CHD4: variants seen among roughly 807,000 people sequenced by gnomAD.
The protein encoded by CHD4 is ATP-dependent chromatin remodeler CHD4.
CHD4 carries 35 observed loss-of-function variants against 235.5 expected under a neutral mutation model. The observed-to-expected ratio is 0.15, with a 90% CI of 0.11 to 0.20. The LOEUF (loss-of-function observed/expected upper bound fraction) is 0.20. Ranked by LOEUF, CHD4 falls within the 10% of genes least tolerant of loss-of-function variation. CHD4 has a pLI of 1.00. For synonymous variants in CHD4, 900 were observed against 850.2 expected, an observed-to-expected ratio of 1.06 and a Z score of -1.02; for missense variants, 1,329 against 2,432.3, an observed-to-expected ratio of 0.55 and a Z score of 9.54.
rs746824737 is a variant in CHD4 at position 6,602,428 on chromosome 12, G to C, written c.170C>G (p.Pro57Arg). ...ETPKLKKKKK[P>R]KKPRDPKIPK... Reference sequence around the variant, plus strand: ...GATTTTAGGGTCCCGAGGTTTCTTAGGCTTTTTCTTCTTCTTGAGCTTTGG... The same window carrying C: ...GATTTTAGGGTCCCGAGGTTTCTTACGCTTTTTCTTCTTCTTGAGCTTTGG... The change falls in exon 3 of 40, where the codon CCT becomes CGT. Residue 57 changes from proline to arginine, a missense_variant. Pro to Arg is a moderately radical substitution (Grantham distance 103). Around this residue, in one of 26 missense-constraint regions of CHD4, gnomAD observed 213 missense variants for 177.5 expected, o/e 1.20. Transcript: ENST00000544040. 6 of 1,613,974 alleles carry C rather than the reference G, an allele frequency of 3.7e-6. No individual in the cohort carries two copies. The highest frequency in any genetic ancestry group is 3.3e-5 in the South Asian group (3 of 91,086).
At chr12:6,583,517 G>A in intron 25 of CHD4, 139 bp from the exon 26 acceptor site, 2 of 691,830 alleles carry the variant, frequency 2.9e-6, no homozygotes, top group East Asian at 5.2e-5. Context: ...TTGGACCTAA[G>A]AACTTAGAAG....
chr12:6,583,368 T>A lies in CHD4; in HGVS notation c.3890A>T (p.Glu1297Val), dbSNP rs776709332. The A allele has an allele frequency of 1.2e-6, 2 of 1,608,912 alleles. No individual in the cohort carries two copies. The highest frequency in any genetic ancestry group is 1.7e-6 in the Non-Finnish European group (2 of 1,176,748). Residue 1297 changes from glutamate (E) to valine (V), a missense_variant, in exon 26 of 40, where the codon GAG (glutamate) becomes GTG (valine). This residue lies in a region of CHD4 where 12 missense variants were observed against 17.4 expected (regional missense o/e 0.69). Transcript: ENST00000544040. ...VREEEMGEEE[E>V]VEREIIKQEE... ...CTGTTTAATGATTTCCCGTTCTACC[T>A]CCTCTTCCTCCTGGGACAGAGGGAG...
intron 33 of CHD4, chr12:6,580,708 A>AAAAAAAAACAAAAC: frequency 5.2e-6 from 1 of 193,606 alleles, no homozygotes; most frequent in Non-Finnish European, 9.8e-6. Flanking sequence ...TCCTTTGAAA[A>AAAAAAAAACAAAAC]AAAAAAAAAA....
intron 10 of CHD4, 53 bp from the exon 11 acceptor site, chr12:6,598,478 G>C: frequency 7.0e-7 from 1 of 1,419,636 alleles, no homozygotes; most frequent in Non-Finnish European, 9.7e-7. Context: ...GGAGGAGAAG[G>C]GACAGCCCAC....
chr12:6,595,437 A>C lies in CHD4; in HGVS notation c.2025-7T>G, dbSNP rs1196735172. 1 of 1,612,566 alleles carries C rather than the reference A, an allele frequency of 6.2e-7. No individual in the cohort carries two copies. Among genetic ancestry groups the C allele is most frequent in the Non-Finnish European group, 8.5e-7 (1 of 1,178,946 alleles). On this transcript the variant is annotated splice_region_variant and splice_polypyrimidine_tract_variant and intron_variant, in intron 13 of 39. Transcript: ENST00000544040. ...CTCACCCCTCATTAACTCCCTAAAGAAGAAAGACATCACACAGCTGCCCAA... is the reference window on the plus strand; with the variant it reads ...CTCACCCCTCATTAACTCCCTAAAGCAGAAAGACATCACACAGCTGCCCAA...
Position 6,593,382 on chromosome 12 carries a change from CT to C in CHD4, c.2514+33del. 6.2e-7 allele frequency: 1 copy of C among 1,609,152 alleles called. No individual in the cohort carries two copies. The highest frequency in any genetic ancestry group is 8.5e-7 in the Non-Finnish European group (1 of 1,175,988). On this transcript the variant is annotated intron_variant, in intron 16 of 39. Transcript: ENST00000544040. The surrounding 1 kb of genome is among the most constrained non-coding windows in gnomAD (Gnocchi z 4.9). ...GTAAACTAAGCCAGAAGCCACAACT[CT>C]TTCTCTAGGGTGGCTTCCCTCCCCT...
In CHD4 at chr12:6,579,275, C is replaced by T. The variant is rs142170234; in HGVS notation, c.4910-358G>A. 6.4e-3 allele frequency: 1,957 copies of T among 308,122 alleles called. 35 individuals are homozygous for T. The highest frequency in any genetic ancestry group is 0.037 in the African/African-American group (1,777 of 47,744). The allele number at this position is 308,122 out of a possible 1,614,324, so 19.1% of individuals were successfully genotyped here. ...AACCAGCCTGGCCAACATGGTGAAACCCTGTCTCTACTAAAAGTACAAAAA... is the reference window on the plus strand; with the variant it reads ...AACCAGCCTGGCCAACATGGTGAAATCCTGTCTCTACTAAAAGTACAAAAA... On this transcript the variant is annotated intron_variant, in intron 33 of 39. Coordinates refer to ENST00000544040, the MANE Select transcript of CHD4 (RefSeq NM_001273.5).
intron 2 of CHD4, among the ~76,000 whole-genome samples, chr12:6,604,134 G>A (rs993641588): frequency 2.0e-5 from 3 of 152,078 alleles, no homozygotes; most frequent in East Asian, 1.9e-4. Context: ...AATTAGCCAG[G>A]CATGGTGGTG....
In CHD4 at chr12:6,593,674, G is replaced by C. The variant is rs963774566; in HGVS notation, c.2314-58C>G. On this transcript the variant is annotated intron_variant, in intron 15 of 39. Transcript: ENST00000544040. This position sits in a 1 kb window ranked among gnomAD's most constrained non-coding sequence, Gnocchi z 4.9. Reference sequence around the variant, plus strand: ...GGCCCCAGCACACTGCAACCCCAGCGAACACCCACCACCCTGCTGCCCCCT... The same window carrying C: ...GGCCCCAGCACACTGCAACCCCAGCCAACACCCACCACCCTGCTGCCCCCT... The C allele has an allele frequency of 2.0e-6, 3 of 1,498,026 alleles. No individual in the cohort carries two copies. Among genetic ancestry groups the C allele is most frequent in the Non-Finnish European group, 2.8e-6 (3 of 1,084,498 alleles). The allele number at this position is 1,498,026 out of a possible 1,614,324, so 92.8% of individuals were successfully genotyped here. A position where few individuals can be genotyped will look rare whatever the true frequency, so the allele number is the denominator to read the frequency against.
Position 6,598,262 on chromosome 12 carries a change from C to T in CHD4, c.1646G>A (p.Gly549Asp). The part of the protein sequence containing the change: ...PERQFFVKWQ[G>D]MSYWHCSWVS... ...CCAGGAGCAGTGCCAGTAAGACATG[C>T]CTTGCCATTTCACAAAGAACTGCCG... The change falls in exon 11 of 40, where the codon GGC (glycine) becomes GAC (aspartate). Residue 549 changes from glycine (G) to aspartate (D), a missense_variant. By Grantham distance (94) the Gly-to-Asp change is moderately conservative (BLOSUM62 -1). This residue lies in a region of CHD4 where 8 missense variants were observed against 41.3 expected (regional missense o/e 0.19). Coordinates refer to ENST00000544040, the MANE Select transcript of CHD4 (RefSeq NM_001273.5). 1.2e-6 allele frequency: 2 copies of T among 1,613,946 alleles called. No individual in the cohort carries two copies. Among genetic ancestry groups the T allele is most frequent in the Non-Finnish European group, 1.7e-6 (2 of 1,179,880 alleles).
rs974813781 is a variant in CHD4, at chr12:6,600,244, G to A, written c.1215C>T (p.Pro405=). 9 of 1,614,002 alleles carry A rather than the reference G, an allele frequency of 5.6e-6. No homozygotes were observed. The highest frequency in any genetic ancestry group is 1.6e-4 in the Middle Eastern group (1 of 6,084). Residue 405 remains proline, a synonymous_variant, in exon 9 of 40, where the codon CCC becomes CCT. Coordinates refer to ENST00000544040, the MANE Select transcript of CHD4 (RefSeq NM_001273.5). ...AGTGTGGGCAGCTCCACTTGCCCTCGGGAGCCTTCTCCATGTCGGGATCCA... is the reference window on the plus strand; with the variant it reads ...AGTGTGGGCAGCTCCACTTGCCCTCAGGAGCCTTCTCCATGTCGGGATCCA... ...VCLDPDMEKA[P]EGKWSCPHCE... is the part of the protein sequence containing the mutation.
At chr12:6,575,483 G>A (rs1017765403) in intron 37 of CHD4, among the ~76,000 whole-genome samples, 6 of 149,104 alleles carry the variant, frequency 4.0e-5, no homozygotes, top group South Asian at 2.1e-4. Context: ...TTTATTAACC[G>A]TTTTTGGTTT....
In CHD4 at chr12:6,598,324, G is replaced by A. The variant is rs780966982; in HGVS notation, c.1584C>T (p.Asn528=). 1.2e-6 allele frequency: 2 copies of A among 1,614,162 alleles called. No homozygotes were observed. Among genetic ancestry groups the A allele is most frequent in the Non-Finnish European group, 1.7e-6 (2 of 1,179,990 alleles). ...PVPRPPDADP[N]TPSPKPLEGR... Reference sequence around the variant, plus strand: ...CCTCCAAGGGCTTTGGGGAGGGCGTGTTGGGATCAGCATCTGGAGGCCGAG... The same window carrying A: ...CCTCCAAGGGCTTTGGGGAGGGCGTATTGGGATCAGCATCTGGAGGCCGAG... Residue 528 remains asparagine (N), a synonymous_variant, in exon 11 of 40, where the codon AAC becomes AAT. Transcript: ENST00000544040.
chr12:6,573,705 TCTA>T (rs1948019124), intron 37 of CHD4, among the ~76,000 whole-genome samples: 1 of 152,174 alleles, frequency 6.6e-6, no homozygotes, highest in Admixed American at 6.5e-5. Flanking sequence ...CTTTTTATCA[TCTA>T]CTCTTTATCA....
chr12:6,605,296 T>TA (rs1023279589), intron 2 of CHD4, among the ~76,000 whole-genome samples: 1 of 151,786 alleles, frequency 6.6e-6, no homozygotes, highest in Non-Finnish European at 1.5e-5. Context: ...AAAAAAAAAT[T>TA]AAACTAGAAA....
At position 6,587,713 on chromosome 12, in the gene CHD4, T is replaced by C. The variant is rs1948324553; in HGVS notation, c.3702A>G (p.Gly1234=). ...AACGTAAGTTCCTGACTACCTCACC[T>C]CCATCAGTGGCTTCATCCTTGAATA... The part of the protein sequence containing the change: ...EELFKDEATD[G]GGDNKEGEDS... Residue 1234 remains glycine, a splice_region_variant and synonymous_variant, in exon 24 of 40, where the codon GGA becomes GGG. Transcript: ENST00000544040. 11 of 1,613,892 alleles carry C rather than the reference T, an allele frequency of 6.8e-6. No homozygotes were observed. Among genetic ancestry groups the C allele is most frequent in the Non-Finnish European group, 8.5e-6 (10 of 1,179,792 alleles).
At chr12:6,585,228 T>C (rs1948261334) in intron 25 of CHD4, among the ~76,000 whole-genome samples, 1 of 152,096 alleles carries the variant, frequency 6.6e-6, no homozygotes, top group African/African-American at 2.4e-5. Context: ...CCTCACATAC[T>C]ATTTTTTTTA....
chr12:6,603,524 G>A (rs1411795360), intron 2 of CHD4, among the ~76,000 whole-genome samples: 1 of 139,124 alleles, frequency 7.2e-6, no homozygotes, highest in East Asian at 2.4e-4. Context: ...GGACAGACAG[G>A]AAGTGGCAGG....
chr12:6,600,816 A>C, intron 7 of CHD4, 110 bp downstream of exon 7: 1 of 1,501,786 alleles, frequency 6.7e-7, no homozygotes, highest in Admixed American at 2.2e-5. Flanking sequence ...GTTCTGTGGG[A>C]AACGCCCCAC....
Sources: gnomAD v4.1 joint callset for allele counts (sites outside exome capture counted in the v4.1 genomes callset) on GRCh38, gnomAD v4.1.1 for gene constraint, gnomAD v4.1.1 regional missense constraint, Gnocchi (gnomAD v3.1) non-coding constraint, MANE v1.5 for transcripts, NCBI Gene and HGNC (gene_info 2026-07-23, HGNC 2026-07-21) for gene names.